Variants in MALT1 observed in about 807,000 individuals in gnomAD.
MALT1 encodes mucosa-associated lymphoid tissue lymphoma translocation protein 1.
Under a neutral mutation model 85.5 loss-of-function variants are expected in MALT1, and 36 were observed. That is an observed-to-expected ratio of 0.42 (90% CI 0.32 to 0.56). MALT1 has a LOEUF of 0.56. MALT1 is among the 20% of genes least tolerant of loss of function. The pLI, the probability that MALT1 is intolerant of heterozygous loss-of-function variation, is 0.10. For synonymous variants in MALT1, 359 were observed against 361.3 expected (o/e 0.99, Z 0.07); for missense variants, 716 against 981.6 (o/e 0.73, Z 3.62).
In MALT1 at chr18:58,733,620, G is replaced by A. The variant is rs115049363; in HGVS notation, c.1400+46G>A. The stretch of plus-strand genomic sequence containing the variant: ...TAAAGAATTGTTGGAGTTAAATATC[G>A]ACCATGACAAACTAGAGAAACCTGT... On this transcript the variant is annotated intron_variant, in intron 11 of 16. Transcript: ENST00000649217. 1,138 of 1,398,820 alleles carry A rather than the reference G, an allele frequency of 8.1e-4. 10 individuals carry two copies. In the African/African-American group the frequency reaches 0.014, roughly 17 times the overall value. The allele number at this position is 1,398,820 out of a possible 1,614,324, so 86.7% of individuals were successfully genotyped here. A position where few individuals can be genotyped will look rare whatever the true frequency, so the allele number is the denominator to read the frequency against.
intron 10 of MALT1, among the ~76,000 whole-genome samples, chr18:58,730,474 G>A (rs952102151): frequency 1.3e-5 from 2 of 152,114 alleles, no homozygotes; most frequent in Non-Finnish European, 2.9e-5. Context: ...ATTGTAGCAT[G>A]TACTAGAACT....
At chr18:58,680,473 T>G (rs901017530) in intron 1 of MALT1, among the ~76,000 whole-genome samples, 1 of 152,230 alleles carries the variant, frequency 6.6e-6, no homozygotes, top group Admixed American at 6.5e-5. Context: ...ATTGCTAACC[T>G]TGTAACACTG....
rs1400679301 is a variant in MALT1 at position 58,753,601 on chromosome 18, A to G, written c.*5759A>G. 1 of 152,214 alleles carries G rather than the reference A, an allele frequency of 6.6e-6. No individual in the cohort carries two copies. The highest frequency in any genetic ancestry group is 1.5e-5 in the Non-Finnish European group (1 of 68,040). 9.4% of individuals were successfully genotyped at this position (152,214 alleles called of 1,614,324 possible). A position where few individuals can be genotyped will look rare whatever the true frequency, so the allele number is the denominator to read the frequency against. The stretch of plus-strand genomic sequence containing the variant: ...TTAATGCCACCAGTTTGTGTTATGT[A>G]TCTATCCCGCAAAACAGCTCTAAAG... On this transcript the variant is annotated 3_prime_UTR_variant, in exon 17 of 17. Transcript: ENST00000649217.
At chr18:58,735,040 G>A (rs904723394) in intron 12 of MALT1, among the ~76,000 whole-genome samples, 162 bp from the exon 13 acceptor site, 29 of 110,740 alleles carry the variant, frequency 2.6e-4, no homozygotes, top group Admixed American at 5.3e-4. Context: ...TGTACCCTGT[G>A]ACTAACAGTC....
At chr18:58,694,966 G>A (rs2054566312) in intron 2 of MALT1, among the ~76,000 whole-genome samples, 2 of 152,288 alleles carry the variant, frequency 1.3e-5, no homozygotes, top group Admixed American at 1.3e-4. Flanking sequence ...ATTCCCATGT[G>A]TTGTGGGAGG....
At chr18:58,679,355 TTTGGCTTTGCAGCCAGGTA>T in intron 1 of MALT1, among the ~76,000 whole-genome samples, 1 of 152,370 alleles carries the variant, frequency 6.6e-6, no homozygotes, top group African/African-American at 2.4e-5. Context: ...GGTAAATATT[TTTGGCTTTGCAGCCAGGTA>T]TTCAGCTCTG....
At chr18:58,690,570 T>A (rs1602287516) in intron 2 of MALT1, 1 of 159,706 alleles carries the variant, frequency 6.3e-6, no homozygotes, top group African/African-American at 2.4e-5. Flanking sequence ...CTGCCACCGC[T>A]GATCTTCCTG....
At chr18:58,680,929 C>CAAAA (rs1165265799) in intron 1 of MALT1, among the ~76,000 whole-genome samples, 5 of 67,220 alleles carry the variant, frequency 7.4e-5, no homozygotes, top group Admixed American at 2.1e-4. Context: ...GACTCCGTCT[C>CAAAA]AAAAAAAAAA....
chr18:58,727,379 C>T (rs976862424), intron 10 of MALT1, among the ~76,000 whole-genome samples: 1 of 152,138 alleles, frequency 6.6e-6, no homozygotes, highest in East Asian at 1.9e-4. Flanking sequence ...TCTCGGCTCA[C>T]GGCAACCTCT....
intron 7 of MALT1, among the ~76,000 whole-genome samples, chr18:58,711,457 G>A (rs1045495377): frequency 1.3e-5 from 2 of 152,086 alleles, no homozygotes; most frequent in Non-Finnish European, 2.9e-5. Flanking sequence ...ATATAAAATT[G>A]ATCAGGATTT....
intron 9 of MALT1, among the ~76,000 whole-genome samples, chr18:58,719,271 A>C (rs1373789765): frequency 6.7e-6 from 1 of 150,198 alleles, no homozygotes; most frequent in East Asian, 2.0e-4. Context: ...CTGGCACCTT[A>C]GTGGGGGTTG....
At chr18:58,686,863 A>G (rs2054412359) in intron 2 of MALT1, among the ~76,000 whole-genome samples, 3 of 152,206 alleles carry the variant, frequency 2.0e-5, no homozygotes, top group Admixed American at 2.0e-4. Flanking sequence ...TGCTATTGTG[A>G]ACATTTAAAT....
chr18:58,686,016 G>C (rs1389728270), intron 2 of MALT1, among the ~76,000 whole-genome samples: 2 of 151,564 alleles, frequency 1.3e-5, no homozygotes, highest in Non-Finnish European at 2.9e-5. Context: ...AGGTGCTTTT[G>C]TTTCTTTTGT....
At chr18:58,692,444 C>CA (rs1568129462) in intron 2 of MALT1, among the ~76,000 whole-genome samples, 959 of 24,264 alleles carry the variant, frequency 0.04, 25 homozygotes, top group African/African-American at 0.16. Context: ...CTCACTCTCT[C>CA]CCTCCCTCCC....
rs1263965967 is a variant in MALT1 at position 58,754,077 on chromosome 18, A to AT, written c.*6235_*6236insT. On this transcript the variant is annotated 3_prime_UTR_variant, in exon 17 of 17. Transcript: ENST00000649217. ...AACATTTTACACACAGTCTTATTTA[A>AT]AACAGCCTTGCAGTTTATAGATGAA... The AT allele has an allele frequency of 6.6e-6, 1 of 152,198 alleles. No individual in the cohort carries two copies. The highest frequency in any genetic ancestry group is 1.5e-5 in the Non-Finnish European group (1 of 68,034). The allele number at this position is 152,198 out of a possible 1,614,324, so 9.4% of individuals were successfully genotyped here. A position where few individuals can be genotyped will look rare whatever the true frequency, so the allele number is the denominator to read the frequency against.
In MALT1 at chr18:58,749,825, A is replaced by G. The variant is rs1183858242; in HGVS notation, c.*1983A>G. ...CCTAGATATGATAAATATAACATCT[A>G]TGAAAAGCCCACACCTAACATTATA... On this transcript the variant is annotated 3_prime_UTR_variant, in exon 17 of 17. Transcript: ENST00000649217. The G allele has an allele frequency of 9.5e-6, 2 of 210,292 alleles. No individual in the cohort carries two copies. The highest frequency in any genetic ancestry group is 4.5e-5 in the African/African-American group (2 of 44,108). 13.0% of individuals were successfully genotyped at this position (210,292 alleles called of 1,614,324 possible).
Position 58,709,988 on chromosome 18 carries a change from G to T in MALT1, c.841G>T (p.Asp281Tyr), listed in dbSNP as rs750663793. 1 of 1,607,250 alleles carries T rather than the reference G, an allele frequency of 6.2e-7. No individual in the cohort carries two copies. The highest frequency in any genetic ancestry group is 2.2e-5 in the East Asian group (1 of 44,698). Residue 281 changes from aspartate (D) to tyrosine (Y), a missense_variant, in exon 6 of 17, where the codon GAT becomes TAT. Asp to Tyr is a radical substitution (Grantham distance 160). Coordinates refer to ENST00000649217, the MANE Select transcript of MALT1 (RefSeq NM_006785.4). ...TKKLYMVPYV[D>Y]LEHQGTYWCH... ...AATATTGATATAGGTGCCTTATGTG[G>T]ATTTGGAACACCAAGGAACCTACTG... is the stretch of plus-strand genomic sequence containing the variant.
Position 58,709,972 on chromosome 18 carries a change from A to G in MALT1, c.829-4A>G. The G allele has an allele frequency of 2.5e-6, 4 of 1,577,428 alleles. No homozygotes were observed. Among genetic ancestry groups the G allele is most frequent in the African/African-American group, 1.3e-5 (1 of 74,144 alleles). On this transcript the variant is annotated splice_region_variant and splice_polypyrimidine_tract_variant and intron_variant, in intron 5 of 16. Coordinates refer to ENST00000649217, the MANE Select transcript of MALT1 (RefSeq NM_006785.4). Reference sequence around the variant, plus strand: ...AGCATTTACATGTTCTAATATTGATATAGGTGCCTTATGTGGATTTGGAAC... The same window carrying G: ...AGCATTTACATGTTCTAATATTGATGTAGGTGCCTTATGTGGATTTGGAAC...
chr18:58,691,158 C>T (rs1602288306), intron 2 of MALT1: 4 of 251,222 alleles, frequency 1.6e-5, no homozygotes, highest in Non-Finnish European at 2.4e-5. Flanking sequence ...ATCATGTTCT[C>T]GAGGCCTTCT....
Sources: gnomAD v4.1 joint callset for allele counts (sites outside exome capture counted in the v4.1 genomes callset) on GRCh38, gnomAD v4.1.1 for gene constraint, MANE v1.5 for transcripts, NCBI Gene and HGNC (gene_info 2026-07-23, HGNC 2026-07-21) for gene names.